DNHD1: variants seen among roughly 807,000 people sequenced by gnomAD.
DNHD1 encodes the protein dynein heavy chain domain-containing protein 1.
In DNHD1, 383 loss-of-function variants were observed where a neutral mutation model predicts 458.1. That is an observed-to-expected ratio of 0.84 (90% CI 0.77 to 0.91). DNHD1 has a LOEUF of 0.91. Ranked by LOEUF, DNHD1 falls within the 40% of genes least tolerant of loss-of-function variation. The pLI is 0.00. For synonymous variants in DNHD1, 2,203 were observed against 2,376.9 expected (o/e 0.93, Z 2.13); for missense variants, 5,336 against 5,866.1 (o/e 0.91, Z 2.95).
intron 32 of DNHD1, 63 bp downstream of exon 32, chr11:6,564,867 T>C (rs1442669484): frequency 1.3e-5 from 17 of 1,335,786 alleles, no homozygotes; most frequent in Non-Finnish European, 1.7e-5. Flanking sequence ...CTCAGCCTCA[T>C]GTGGTCTTTC....
chr11:6,499,710 GGCACGT>G (rs1852097969), intron 3 of DNHD1, among the ~76,000 whole-genome samples: 1 of 151,960 alleles, frequency 6.6e-6, no homozygotes, highest in Non-Finnish European at 1.5e-5. Flanking sequence ...TGGGACTACA[GGCACGT>G]GCCACCATAC....
chr11:6,571,022 GA>G lies in DNHD1; in HGVS notation c.13511del (p.Asp4504ValfsTer7). 1 of 1,590,452 alleles carries G rather than the reference GA, an allele frequency of 6.3e-7. No homozygotes were observed. The highest frequency in any genetic ancestry group is 2.2e-5 in the East Asian group (1 of 44,492). On this transcript the variant is annotated frameshift_variant, in exon 42 of 43. Coordinates refer to ENST00000254579, the MANE Select transcript of DNHD1 (RefSeq NM_144666.3). LOFTEE classifies it high-confidence loss of function. This position sits in a 1 kb window ranked among gnomAD's most constrained non-coding sequence, Gnocchi z 5.0. ...QLVGTLQRDL[D>X]CLLQQLKGAP... The stretch of plus-strand genomic sequence containing the variant: ...GGTGGGCACGCTACAACGCGACCTT[GA>G]TTGCCTGTTGCAGCAGCTGAAGGGC...
At position 6,570,611 on chromosome 11, in the gene DNHD1, C is replaced by T. The variant is rs1417320987; in HGVS notation, c.13106-7C>T. 5 of 1,595,040 alleles carry T rather than the reference C, an allele frequency of 3.1e-6. No homozygotes were observed. The South Asian group carries it at 3.4e-5, about 11-fold the overall frequency. ...CTTGTCCCTCACCCCTCACCTCTAT[C>T]CCCAAGAGCTAAGGGAGCTGGATGC... On this transcript the variant is annotated splice_polypyrimidine_tract_variant and splice_region_variant and intron_variant, in intron 41 of 42. Coordinates refer to ENST00000254579, the MANE Select transcript of DNHD1 (RefSeq NM_144666.3).
chr11:6,528,619 G>A lies in DNHD1; in HGVS notation c.1935G>A (p.Val645=). Residue 645 remains valine (V), a synonymous_variant, in exon 11 of 43, where the codon GTG becomes GTA. Transcript: ENST00000254579. The part of the protein sequence containing the change: ...DAVSIFCGPN[V]GLVWPWKSHP... ...TGAGCATCTTCTGTGGCCCGAATGT[G>A]GGATTGGTGTGGCCCTGGAAGTCTC... The A allele has an allele frequency of 6.4e-7, 1 of 1,551,722 alleles. No individual in the cohort carries two copies. Among genetic ancestry groups the A allele is most frequent in the Non-Finnish European group, 8.7e-7 (1 of 1,147,006 alleles).
chr11:6,558,483 A>T lies in DNHD1; in HGVS notation c.9003-2A>T. ...GGACATTAGCTGAGCCCTGGCCCAC[A>T]GGTTCCACCAGCAAGTGTGCAGCCA... On this transcript the variant is annotated splice_acceptor_variant, in intron 25 of 42. Coordinates refer to ENST00000254579, the MANE Select transcript of DNHD1 (RefSeq NM_144666.3). LOFTEE classifies it high-confidence loss of function. 1 of 1,551,606 alleles carries T rather than the reference A, an allele frequency of 6.4e-7. No homozygotes were observed. Among genetic ancestry groups the T allele is most frequent in the Non-Finnish European group, 8.7e-7 (1 of 1,146,998 alleles).
Position 6,557,424 on chromosome 11 carries a change from C to A in DNHD1, c.8129C>A (p.Ser2710Tyr). ...EEEERVPEVESEGELAQWEDF... is the reference protein window; with the variant it reads ...EEEERVPEVEYEGELAQWEDF... ...GAGGAGAGGGTGCCCGAAGTAGAAT[C>A]TGAAGGGGAGTTGGCCCAGTGGGAG... The change falls in exon 25 of 43, where the codon TCT becomes TAT. Residue 2710 changes from serine (S) to tyrosine (Y), a missense_variant. Ser to Tyr is a moderately radical substitution (Grantham distance 144). Transcript: ENST00000254579. The A allele has an allele frequency of 6.4e-7, 1 of 1,551,302 alleles. No individual in the cohort carries two copies.
Position 6,548,720 on chromosome 11 carries a change from A to G in DNHD1, c.7174A>G (p.Thr2392Ala). 1.9e-6 allele frequency: 3 copies of G among 1,551,662 alleles called. No individual in the cohort carries two copies. Among genetic ancestry groups the G allele is most frequent in the Non-Finnish European group, 2.6e-6 (3 of 1,146,978 alleles). ...QPVLLAGEAA[T>A]GKSAFVEVLV... ...AGTGTTGCTGGCTGGAGAGGCAGCA[A>G]CAGGGAAGTCAGCCTTTGTGGAGGT... Residue 2392 changes from threonine (T) to alanine (A), a missense_variant, in exon 24 of 43, where the codon ACA (threonine) becomes GCA (alanine). Thr to Ala is a moderately conservative substitution (Grantham distance 58). Transcript: ENST00000254579. The surrounding 1 kb of genome is among the most constrained non-coding windows in gnomAD (Gnocchi z 4.4).
Position 6,545,719 on chromosome 11 carries a change from A to G in DNHD1, c.4780A>G (p.Ser1594Gly). The G allele has an allele frequency of 9.7e-6, 15 of 1,551,720 alleles. No homozygotes were observed. The highest frequency in any genetic ancestry group is 1.3e-5 in the Non-Finnish European group (15 of 1,147,000). ...IAQLLEQHQV[S>G]DLTDFHWVRQ... ...ACAGCTGCTGGAACAGCACCAGGTC[A>G]GTGATCTCACAGACTTTCACTGGGT... The change falls in exon 21 of 43, where the codon AGT (serine) becomes GGT (glycine). Residue 1594 changes from serine (S) to glycine (G), a missense_variant. Physicochemically the swap from Ser to Gly is moderately conservative, Grantham distance 56 (BLOSUM62 0). Coordinates refer to ENST00000254579, the MANE Select transcript of DNHD1 (RefSeq NM_144666.3). The surrounding 1 kb of genome is among the most constrained non-coding windows in gnomAD (Gnocchi z 4.9).
At chr11:6,526,287 T>C (rs1275449900) in intron 10 of DNHD1, among the ~76,000 whole-genome samples, 3 of 152,194 alleles carry the variant, frequency 2.0e-5, no homozygotes, top group Non-Finnish European at 4.4e-5. Context: ...TCCATAGTTC[T>C]GTCACATAAT....
rs775578776 is a variant in DNHD1, at chr11:6,519,670, C to T, written c.1463C>T (p.Thr488Ile). 16 of 1,614,042 alleles carry T rather than the reference C, an allele frequency of 9.9e-6. No homozygotes were observed. In the Admixed American group the frequency reaches 2.5e-4, roughly 25 times the overall value. Residue 488 changes from threonine to isoleucine, a missense_variant, in exon 8 of 43, where the codon ACA becomes ATA. Coordinates refer to ENST00000254579, the MANE Select transcript of DNHD1 (RefSeq NM_144666.3). ...ERVQNCDRIR[T>I]GQGSIYLQRV... ...GTACAAAACTGTGACAGGATCAGGACAGGCCAAGGCTCCATATACCTTCAG... is the reference window on the plus strand; with the variant it reads ...GTACAAAACTGTGACAGGATCAGGATAGGCCAAGGCTCCATATACCTTCAG...
chr11:6,539,974 C>A lies in DNHD1; in HGVS notation c.3519C>A (p.Ile1173=). Residue 1173 remains isoleucine (I), a synonymous_variant, in exon 18 of 43, where the codon ATC becomes ATA. Coordinates refer to ENST00000254579, the MANE Select transcript of DNHD1 (RefSeq NM_144666.3). ...GCCAGCTGCGCCTGCTCAACTTCAT[C>A]CTGCATGTACCCTACGAGCCCCCAG... ...EARQLRLLNF[I]LHVPYEPPAS... 1.3e-6 allele frequency: 2 copies of A among 1,551,760 alleles called. No individual in the cohort carries two copies. Among genetic ancestry groups the A allele is most frequent in the Non-Finnish European group, 1.7e-6 (2 of 1,146,994 alleles).
At chr11:6,522,740 T>C (rs1852629250) in intron 10 of DNHD1, among the ~76,000 whole-genome samples, 1 of 152,206 alleles carries the variant, frequency 6.6e-6, no homozygotes, top group Non-Finnish European at 1.5e-5. Flanking sequence ...AGGCAAAATT[T>C]GTATGGCCTT....
At position 6,562,996 on chromosome 11, in the gene DNHD1, T is replaced by G. The variant is rs1214969802; in HGVS notation, c.9534T>G (p.Phe3178Leu). The G allele has an allele frequency of 7.1e-6, 11 of 1,551,506 alleles. No individual in the cohort carries two copies. The highest frequency in any genetic ancestry group is 9.6e-6 in the Non-Finnish European group (11 of 1,146,968). ...TGTCTCTGCAGAGTCTCAGCATGTT[T>G]CAGCAGCAGCTAGAGCAAAGCAAGC... The part of the protein sequence containing the change: ...LKDSGKSLSM[F>L]QQQLEQSKLL... The change falls in exon 29 of 43, where the codon TTT becomes TTG. Residue 3178 changes from phenylalanine to leucine, a missense_variant. Phe to Leu is a conservative substitution (Grantham distance 22). Around this residue, in one of 4 missense-constraint regions of DNHD1, gnomAD observed 3,932 missense variants for 4,365.6 expected, o/e 0.90. Transcript: ENST00000254579.
In DNHD1 at chr11:6,528,711, A is replaced by G. The variant is rs1364891737; in HGVS notation, c.2027A>G (p.Tyr676Cys). The G allele has an allele frequency of 2.2e-5, 34 of 1,551,742 alleles. No individual in the cohort carries two copies. The highest frequency in any genetic ancestry group is 2.9e-5 in the Non-Finnish European group (33 of 1,146,992). ...RLRGQYFPHN[Y>C]KQLEEDLDNN... ...CGGGGCCAATACTTCCCCCACAATTATAAGCAGCTGGAGGAAGACCTGGAC... is the reference window on the plus strand; with the variant it reads ...CGGGGCCAATACTTCCCCCACAATTGTAAGCAGCTGGAGGAAGACCTGGAC... The change falls in exon 11 of 43, where the codon TAT (tyrosine) becomes TGT (cysteine). Residue 676 changes from tyrosine to cysteine, a missense_variant. Coordinates refer to ENST00000254579, the MANE Select transcript of DNHD1 (RefSeq NM_144666.3).
chr11:6,512,211 C>CTTTTTTTT (rs11287049), intron 7 of DNHD1, among the ~76,000 whole-genome samples: 13 of 91,626 alleles, frequency 1.4e-4, no homozygotes, highest in African/African-American at 3.7e-4. Context: ...CTTTTTCTTT[C>CTTTTTTTT]TTTTTTTTTT....
intron 24 of DNHD1, among the ~76,000 whole-genome samples, chr11:6,552,956 G>A (rs1853392582): frequency 6.6e-6 from 1 of 152,054 alleles, no homozygotes; most frequent in South Asian, 2.1e-4. Context: ...GTCCCAGATG[G>A]TTATACAGTT....
intron 12 of DNHD1, among the ~76,000 whole-genome samples, chr11:6,529,538 G>A (rs1333173167): frequency 1.3e-5 from 2 of 152,224 alleles, no homozygotes; most frequent in African/African-American, 4.8e-5. Flanking sequence ...GTGAAAGAAT[G>A]TAACCTTTCC....
Position 6,533,815 on chromosome 11 carries a change from G to T in DNHD1, c.2640G>T (p.Arg880Ser), listed in dbSNP as rs769160846. 2.6e-6 allele frequency: 4 copies of T among 1,551,118 alleles called. No individual in the cohort carries two copies. The change falls in exon 14 of 43, where the codon AGG (arginine) becomes AGT (serine). Residue 880 changes from arginine to serine, a missense_variant. By Grantham distance (110) the Arg-to-Ser change is moderately radical. Coordinates refer to ENST00000254579, the MANE Select transcript of DNHD1 (RefSeq NM_144666.3). ...AAGCACTGGACATCTCGGTGAGAAG[G>T]CAATTCGGGGAGTCACCCATCCCTC... Reference protein sequence around the residue: ...ENEALDISVRRQFGESPIPPC... With the variant: ...ENEALDISVRSQFGESPIPPC...
intron 18 of DNHD1, among the ~76,000 whole-genome samples, chr11:6,542,445 C>T (rs1488233358): frequency 2.6e-5 from 4 of 152,244 alleles, no homozygotes; most frequent in South Asian, 2.1e-4. Flanking sequence ...CCAGTCTTTC[C>T]TGAGCTCACA....
Sources: allele counts gnomAD v4.1 joint callset (sites outside exome capture counted in the v4.1 genomes callset), GRCh38; gene constraint gnomAD v4.1.1; regional missense constraint gnomAD v4.1.1; non-coding constraint Gnocchi (gnomAD v3.1); transcripts MANE v1.5; gene names NCBI Gene and HGNC (gene_info 2026-07-23, HGNC 2026-07-21).